AGBL4: variants seen among roughly 807,000 people sequenced by gnomAD.
AGBL4 encodes cytosolic carboxypeptidase 6.
AGBL4 carries 58 observed loss-of-function variants against 66.4 expected under a neutral mutation model. That is an observed-to-expected ratio of 0.87 (90% CI 0.71 to 1.09). The LOEUF is 1.09. Among genes scored for constraint, AGBL4 ranks in the 50% least tolerant of loss-of-function variants. AGBL4 has a pLI of 0.00. For synonymous variants in AGBL4, 234 were observed against 222.9 expected (o/e 1.05, Z -0.44); for missense variants, 579 against 631.0 (o/e 0.92, Z 0.88).
chr1:49,441,456 T>A (rs1399931393), intron 3 of AGBL4, among the ~76,000 whole-genome samples: 1 of 152,184 alleles, frequency 6.6e-6, no homozygotes, highest in Non-Finnish European at 1.5e-5. Context: ...GACCTGGAAA[T>A]GCCTGATCTC....
chr1:48,582,589 C>T (rs1344649385), intron 11 of AGBL4, among the ~76,000 whole-genome samples: 3 of 152,212 alleles, frequency 2.0e-5, no homozygotes, highest in Non-Finnish European at 4.4e-5. Flanking sequence ...GCCATGTAGT[C>T]TGCATGGGGC....
At chr1:49,383,295 G>T (rs182148697) in intron 3 of AGBL4, among the ~76,000 whole-genome samples, 1 of 152,076 alleles carries the variant, frequency 6.6e-6, no homozygotes, top group East Asian at 1.9e-4. Context: ...GAAATACAAA[G>T]AAAACCTAAA....
chr1:48,762,441 C>T (rs1644309419), intron 6 of AGBL4, among the ~76,000 whole-genome samples: 1 of 152,144 alleles, frequency 6.6e-6, no homozygotes, highest in Non-Finnish European at 1.5e-5. Flanking sequence ...GGACTGTCCC[C>T]TTGTGGTAAA....
chr1:48,947,785 A>G (rs1482424621), intron 5 of AGBL4, among the ~76,000 whole-genome samples: 3 of 152,076 alleles, frequency 2.0e-5, no homozygotes, highest in Non-Finnish European at 4.4e-5. Flanking sequence ...AAACAATCTG[A>G]TTGAGTCATC....
chr1:50,004,046 A>G (rs1207498327), intron 1 of AGBL4, among the ~76,000 whole-genome samples: 3 of 152,210 alleles, frequency 2.0e-5, no homozygotes, highest in African/African-American at 4.8e-5. Flanking sequence ...GAGGAAAAAT[A>G]GTCTTAAATT....
intron 3 of AGBL4, among the ~76,000 whole-genome samples, chr1:49,246,616 T>C (rs1413037004): frequency 6.6e-6 from 1 of 151,916 alleles, no homozygotes; most frequent in African/African-American, 2.4e-5. Flanking sequence ...TCTAGATGCC[T>C]TTCCAAGAGG....
chr1:49,884,126 T>C (rs1647750000), intron 1 of AGBL4, among the ~76,000 whole-genome samples: 1 of 151,950 alleles, frequency 6.6e-6, no homozygotes. Flanking sequence ...TACTCTTCTT[T>C]TAAAATGCCC....
intron 4 of AGBL4, among the ~76,000 whole-genome samples, chr1:49,242,090 C>T (rs1195045979): frequency 6.6e-6 from 1 of 151,900 alleles, no homozygotes; most frequent in Non-Finnish European, 1.5e-5. Flanking sequence ...CCACTGCATG[C>T]TTTATGTGCT....
chr1:49,231,442 T>G (rs1650302781), intron 4 of AGBL4, among the ~76,000 whole-genome samples: 1 of 152,170 alleles, frequency 6.6e-6, no homozygotes, highest in African/African-American at 2.4e-5. Context: ...TCTTCAATCT[T>G]GGAGACCCTG....
chr1:49,484,987 A>G (rs180821093), intron 3 of AGBL4, among the ~76,000 whole-genome samples: 1 of 152,160 alleles, frequency 6.6e-6, no homozygotes, highest in East Asian at 1.9e-4. Flanking sequence ...GCCTTTAAAA[A>G]GAATGAGATC....
chr1:48,995,178 A>G (rs1282080213), intron 5 of AGBL4, among the ~76,000 whole-genome samples: 3 of 151,822 alleles, frequency 2.0e-5, no homozygotes, highest in Admixed American at 2.0e-4. Context: ...ATCTTCCCCT[A>G]CTCTTCACCT....
intron 6 of AGBL4, among the ~76,000 whole-genome samples, chr1:48,835,483 C>T (rs1646651685): frequency 6.6e-6 from 1 of 152,004 alleles, no homozygotes; most frequent in Admixed American, 6.6e-5. Flanking sequence ...TCTATGAGTG[C>T]ATATAGCAAA....
chr1:48,818,696 T>G (rs1646242985), intron 6 of AGBL4, among the ~76,000 whole-genome samples: 1 of 152,188 alleles, frequency 6.6e-6, no homozygotes, highest in African/African-American at 2.4e-5. Context: ...AAAATTCTAA[T>G]ACTGTAATAT....
intron 5 of AGBL4, among the ~76,000 whole-genome samples, chr1:48,898,880 G>C (rs1651801308): frequency 6.6e-6 from 1 of 152,200 alleles, no homozygotes; most frequent in South Asian, 2.1e-4. Context: ...ATTTTGTCAA[G>C]AGCGTCGCTC....
intron 3 of AGBL4, among the ~76,000 whole-genome samples, chr1:49,278,385 AAG>A (rs144823460): frequency 1.3e-5 from 2 of 152,188 alleles, no homozygotes; most frequent in South Asian, 2.1e-4. Flanking sequence ...CAGTAAATCT[AAG>A]AGAGAGAGAG....
intron 3 of AGBL4, among the ~76,000 whole-genome samples, chr1:49,596,584 A>G (rs1429010469): frequency 1.3e-5 from 2 of 152,256 alleles, no homozygotes; most frequent in Non-Finnish European, 2.9e-5. Flanking sequence ...TATGTTAGTA[A>G]GAAGGCATTT....
chr1:48,874,539 G>T (rs1029427983), intron 5 of AGBL4, among the ~76,000 whole-genome samples: 2 of 152,060 alleles, frequency 1.3e-5, no homozygotes, highest in Non-Finnish European at 2.9e-5. Flanking sequence ...TTCAAGGAGG[G>T]TGCCAAAAAT....
chr1:49,339,879 G>A (rs907789396), intron 3 of AGBL4, among the ~76,000 whole-genome samples: 29 of 152,156 alleles, frequency 1.9e-4, no homozygotes, highest in African/African-American at 7.0e-4. Context: ...AGTCATCAAA[G>A]AGAAGTTTCC....
chr1:49,254,706 A>T (rs1411004210), intron 3 of AGBL4, among the ~76,000 whole-genome samples: 1 of 152,182 alleles, frequency 6.6e-6, no homozygotes. Context: ...CAAATAGCCA[A>T]GATAATCCTA....
Sources: allele counts gnomAD v4.1 joint callset (sites outside exome capture counted in the v4.1 genomes callset), GRCh38; gene constraint gnomAD v4.1.1; transcripts MANE v1.5; gene names NCBI Gene and HGNC (gene_info 2026-07-23, HGNC 2026-07-21).